The following CACNA1A variants were observed in gnomAD, a reference collection of about 807,000 sequenced individuals.
CACNA1A encodes voltage-dependent P/Q-type calcium channel subunit alpha-1A.
In CACNA1A, 57 loss-of-function variants were observed where a neutral mutation model predicts 262.4. The observed-to-expected ratio is 0.22, with a 90% CI of 0.18 to 0.27. The LOEUF (loss-of-function observed/expected upper bound fraction) is 0.27. Ranked by LOEUF, CACNA1A falls within the 10% of genes least tolerant of loss-of-function variation. The probability of loss-of-function intolerance (pLI) is 1.00; values close to 1 mark genes in which losing one functional copy is unlikely to be tolerated. For missense variants in CACNA1A, 2,526 were observed against 3,562.8 expected, an observed-to-expected ratio of 0.71 and a Z score of 7.41; for synonymous variants, 1,431 against 1,419.3, an observed-to-expected ratio of 1.01 and a Z score of -0.18.
chr19:13,290,762 T>C (rs1157136437), intron 19 of CACNA1A, among the ~76,000 whole-genome samples: 1 of 152,010 alleles, frequency 6.6e-6, no homozygotes, highest in Non-Finnish European at 1.5e-5. Flanking sequence ...TACACATATA[T>C]ATACACATTT....
At chr19:13,444,519 G>C (rs2060776543) in intron 3 of CACNA1A, among the ~76,000 whole-genome samples, 1 of 152,190 alleles carries the variant, frequency 6.6e-6, no homozygotes, top group South Asian at 2.1e-4. Flanking sequence ...TCTGAGACTT[G>C]GTTTCCTCAA....
At chr19:13,503,491 T>C (rs975994474) in intron 1 of CACNA1A, among the ~76,000 whole-genome samples, 1 of 151,992 alleles carries the variant, frequency 6.6e-6, no homozygotes, top group Non-Finnish European at 1.5e-5. Flanking sequence ...GGCAGAAATA[T>C]TTAGATTAAA....
At chr19:13,367,780 A>G (rs1331613802) in intron 4 of CACNA1A, among the ~76,000 whole-genome samples, 1 of 152,080 alleles carries the variant, frequency 6.6e-6, no homozygotes, top group Non-Finnish European at 1.5e-5. Flanking sequence ...GGAACAGAAG[A>G]CACACCCAAC....
intron 1 of CACNA1A, among the ~76,000 whole-genome samples, chr19:13,486,110 A>G (rs1043283018): frequency 2.0e-5 from 3 of 152,262 alleles, no homozygotes; most frequent in Non-Finnish European, 4.4e-5. Context: ...TCAAAACCAC[A>G]TAATATCTGA....
intron 3 of CACNA1A, among the ~76,000 whole-genome samples, chr19:13,432,170 T>A (rs1435407631): frequency 1.3e-5 from 2 of 149,492 alleles, no homozygotes; most frequent in Non-Finnish European, 3.0e-5. Flanking sequence ...ATCTCAGCAC[T>A]TTGGGAGGCC....
chr19:13,372,290 TC>T (rs921679076), intron 3 of CACNA1A, among the ~76,000 whole-genome samples: 6 of 152,156 alleles, frequency 3.9e-5, no homozygotes, highest in African/African-American at 1.4e-4. Context: ...TGCCTCAGCC[TC>T]CCGAGTAGCT....
intron 24 of CACNA1A, 81 bp from the exon 25 acceptor site, chr19:13,262,914 T>G: frequency 1.1e-6 from 1 of 901,646 alleles, no homozygotes; most frequent in Non-Finnish European, 1.8e-6. Flanking sequence ...CACAGCTCCA[T>G]GGGACCCTAC....
chr19:13,330,429 G>A (rs896903558), intron 9 of CACNA1A, 96 bp from the exon 10 acceptor site: 6 of 872,748 alleles, frequency 6.9e-6, no homozygotes, highest in African/African-American at 6.6e-5. Flanking sequence ...AACTCTCACG[G>A]CAACTGTTCT....
intron 3 of CACNA1A, among the ~76,000 whole-genome samples, chr19:13,419,972 G>A (rs1751707635): frequency 6.6e-6 from 1 of 151,830 alleles, no homozygotes. Flanking sequence ...TGTACTCCTA[G>A]CCACTCAGGA....
rs757999563 is a variant in CACNA1A at position 13,359,607 on chromosome 19, T to C, written c.977A>G (p.Asn326Ser). 2.5e-6 allele frequency: 4 copies of C among 1,605,516 alleles called. No homozygotes were observed. The highest frequency in any genetic ancestry group is 2.2e-5 in the South Asian group (2 of 89,972). ...ACACACTGTCCCAGCATCACTTACATTGTAGAGGAGATCAGTCCACCCTTC... is the reference window on the plus strand; with the variant it reads ...ACACACTGTCCCAGCATCACTTACACTGTAGAGGAGATCAGTCCACCCTTC... ...TMEGWTDLLY[N>S]SNDASGNTWN... Residue 326 changes from asparagine to serine, a missense_variant and splice_region_variant, in exon 6 of 47, where the codon AAT becomes AGT. Asn to Ser is a conservative substitution (Grantham distance 46). Coordinates refer to ENST00000360228, the MANE Select transcript of CACNA1A (RefSeq NM_001127222.2).
At chr19:13,403,678 G>A (rs1458493376) in intron 3 of CACNA1A, among the ~76,000 whole-genome samples, 1 of 152,160 alleles carries the variant, frequency 6.6e-6, no homozygotes, top group Non-Finnish European at 1.5e-5. Context: ...GCTCATGCCT[G>A]TAATCCCAGC....
At position 13,207,212 on chromosome 19, in the gene CACNA1A, G is replaced by C; in HGVS notation, c.*101C>G. On this transcript the variant is annotated 3_prime_UTR_variant, in exon 47 of 47. Transcript: ENST00000360228. The surrounding 1 kb of genome is among the most constrained non-coding windows in gnomAD (Gnocchi z 5.7). ...GGGGTCTCCCGGCTGGCCCTCTCCC[G>C]GGCCCTCTGTGCTGGGCCCCCGCGG... 1 of 1,277,036 alleles carries C rather than the reference G, an allele frequency of 7.8e-7. No homozygotes were observed. The highest frequency in any genetic ancestry group is 1.0e-6 in the Non-Finnish European group (1 of 979,650). 79.1% of individuals were successfully genotyped at this position (1,277,036 alleles called of 1,614,324 possible).
intron 3 of CACNA1A, among the ~76,000 whole-genome samples, chr19:13,392,992 C>T (rs887496654): frequency 6.6e-6 from 1 of 152,186 alleles, no homozygotes; most frequent in Non-Finnish European, 1.5e-5. Context: ...TGGTCTCGAA[C>T]TCCTGAGCTC....
intron 1 of CACNA1A, among the ~76,000 whole-genome samples, chr19:13,482,828 C>T (rs1459801427): frequency 1.3e-5 from 2 of 151,396 alleles, no homozygotes; most frequent in African/African-American, 2.4e-5. Context: ...CTCTTTCTCT[C>T]CCCCCTTCTT....
At chr19:13,273,335 G>A (rs549349650) in intron 24 of CACNA1A, 2 of 152,278 alleles carry the variant, frequency 1.3e-5, no homozygotes, top group African/African-American at 4.8e-5. Flanking sequence ...GTGTGGGGGT[G>A]CGGCGGGAAC....
intron 1 of CACNA1A, among the ~76,000 whole-genome samples, chr19:13,499,326 G>T (rs1339674224): frequency 6.6e-6 from 1 of 151,914 alleles, no homozygotes; most frequent in Non-Finnish European, 1.5e-5. Flanking sequence ...GGGTCAAGTG[G>T]CCACGAATTT....
At chr19:13,393,870 C>A (rs560634796) in intron 3 of CACNA1A, among the ~76,000 whole-genome samples, 2 of 147,114 alleles carry the variant, frequency 1.4e-5, no homozygotes, top group East Asian at 4.2e-4. Flanking sequence ...CGCTGGGGAG[C>A]GATAGCATGA....
intron 3 of CACNA1A, among the ~76,000 whole-genome samples, chr19:13,440,705 T>C (rs1049766540): frequency 3.9e-5 from 6 of 152,202 alleles, no homozygotes; most frequent in African/African-American, 7.2e-5. Flanking sequence ...TTCTTCAGAC[T>C]GTCCCTGGGC....
intron 3 of CACNA1A, among the ~76,000 whole-genome samples, chr19:13,402,208 A>G (rs980812956): frequency 1.3e-5 from 2 of 152,244 alleles, no homozygotes; most frequent in Non-Finnish European, 2.9e-5. Context: ...AAGCTGGGGA[A>G]GAAGCCCCTT....
Sources: allele counts gnomAD v4.1 joint callset (sites outside exome capture counted in the v4.1 genomes callset), GRCh38; gene constraint gnomAD v4.1.1; non-coding constraint Gnocchi (gnomAD v3.1); transcripts MANE v1.5; gene names NCBI Gene and HGNC (gene_info 2026-07-23, HGNC 2026-07-21).